FAM135B: variants seen among roughly 807,000 people sequenced by gnomAD.
FAM135B encodes protein FAM135B.
Under a neutral mutation model 127.7 loss-of-function variants are expected in FAM135B, and 43 were observed. The ratio of observed to expected loss-of-function variants is 0.34; its 90% CI spans 0.26 to 0.43. FAM135B has a LOEUF of 0.43. Ranked by LOEUF, FAM135B falls within the 20% of genes least tolerant of loss-of-function variation. The pLI, the probability that FAM135B is intolerant of heterozygous loss-of-function variation, is 1.00. For synonymous variants in FAM135B, 670 were observed against 665.1 expected, an observed-to-expected ratio of 1.01 and a Z score of -0.11; for missense variants, 1,558 against 1,725.6, an observed-to-expected ratio of 0.90 and a Z score of 1.72.
At chr8:138,491,737 T>G (rs1815208221) in intron 1 of FAM135B, among the ~76,000 whole-genome samples, 1 of 152,126 alleles carries the variant, frequency 6.6e-6, no homozygotes, top group Admixed American at 6.5e-5. Flanking sequence ...GAAAGAAACA[T>G]CAAAATAAGA....
intron 5 of FAM135B, among the ~76,000 whole-genome samples, chr8:138,252,838 C>T (rs540088779): frequency 6.6e-6 from 1 of 152,268 alleles, no homozygotes; most frequent in East Asian, 1.9e-4. Flanking sequence ...GTCACCCAGG[C>T]TGCCAGGCTG....
chr8:138,327,146 T>C (rs1289085950), intron 2 of FAM135B, among the ~76,000 whole-genome samples: 1 of 152,200 alleles, frequency 6.6e-6, no homozygotes, highest in East Asian at 1.9e-4. Flanking sequence ...TGTTACCTTA[T>C]TGTTCCTTTC....
intron 4 of FAM135B, among the ~76,000 whole-genome samples, chr8:138,264,701 G>C (rs1378372907): frequency 2.0e-5 from 3 of 152,082 alleles, no homozygotes; most frequent in Non-Finnish European, 4.4e-5. Context: ...ATAGGTTAAG[G>C]AATAAAGAAT....
chr8:138,256,580 TG>T, intron 5 of FAM135B, 108 bp downstream of exon 5: 1 of 879,478 alleles, frequency 1.1e-6, no homozygotes, highest in African/African-American at 1.7e-5. Context: ...CAGGAGATGC[TG>T]ATCTGAGAGA....
chr8:138,145,300 G>A (rs745826494), intron 15 of FAM135B, among the ~76,000 whole-genome samples: 1 of 152,088 alleles, frequency 6.6e-6, no homozygotes, highest in Non-Finnish European at 1.5e-5. Context: ...ATAGGTGCGA[G>A]CCACCGCGCC....
intron 7 of FAM135B, among the ~76,000 whole-genome samples, chr8:138,206,285 G>GCACAGCTCTATCATCCCCTCCACCTACC (rs1817575045): frequency 2.4e-4 from 3 of 12,540 alleles, no homozygotes; most frequent in Non-Finnish European, 3.5e-4. Flanking sequence ...CTCCACCTAC[G>GCACAGCTCTATCATCCCCTCCACCTACC]CACAGCTCTA....
intron 3 of FAM135B, among the ~76,000 whole-genome samples, chr8:138,276,430 G>A (rs949704636): frequency 3.3e-5 from 5 of 152,110 alleles, no homozygotes; most frequent in East Asian, 1.9e-4. Flanking sequence ...GCGGAGTTGC[G>A]ACTACAAAAA....
rs189387121 is a variant in FAM135B at position 138,228,883 on chromosome 8, A to T, written c.669+14059T>A. 5.4e-4 allele frequency among the ~76,000 whole-genome samples: 82 copies of T among 152,266 alleles called. 1 individual carries two copies. The highest frequency in any genetic ancestry group is 1.9e-3 in the African/African-American group (79 of 41,552). ...ATCTGTTCTTCCTGGGCCAGCTACA[A>T]TTTCAGACTGGGGACAGAGAAGCAG... On this transcript the variant is annotated intron_variant, in intron 7 of 19. Coordinates refer to ENST00000395297, the MANE Select transcript of FAM135B (RefSeq NM_015912.4).
chr8:138,143,526 T>C (rs1312138199), intron 15 of FAM135B, among the ~76,000 whole-genome samples: 1 of 152,188 alleles, frequency 6.6e-6, no homozygotes, highest in East Asian at 1.9e-4. Flanking sequence ...CTGCCCTTTC[T>C]GTGGCATAGC....
chr8:138,186,244 T>C (rs1032447162), intron 9 of FAM135B, among the ~76,000 whole-genome samples: 2 of 152,198 alleles, frequency 1.3e-5, no homozygotes, highest in African/African-American at 4.8e-5. Context: ...CTATTTCTCA[T>C]TGAGCTGCAA....
intron 2 of FAM135B, among the ~76,000 whole-genome samples, chr8:138,357,459 C>A (rs1351459222): frequency 6.6e-6 from 1 of 152,006 alleles, no homozygotes; most frequent in Non-Finnish European, 1.5e-5. Flanking sequence ...AAGGAAAATA[C>A]ATGTGAATAT....
At chr8:138,331,897 C>T (rs1322908867) in intron 2 of FAM135B, among the ~76,000 whole-genome samples, 1 of 152,084 alleles carries the variant, frequency 6.6e-6, no homozygotes, top group African/African-American at 2.4e-5. Context: ...GAATGGAGAG[C>T]CCCCAGGTGA....
intron 7 of FAM135B, among the ~76,000 whole-genome samples, chr8:138,238,076 G>GA (rs112283532): frequency 0.051 from 7,822 of 152,180 alleles, 663 homozygotes; most frequent in African/African-American, 0.17. Context: ...CTGAGACCCA[G>GA]AAGGGTAGGT....
chr8:138,361,156 G>A (rs1830395903), intron 2 of FAM135B, among the ~76,000 whole-genome samples: 1 of 152,036 alleles, frequency 6.6e-6, no homozygotes, highest in Non-Finnish European at 1.5e-5. Flanking sequence ...TCGAACTCCT[G>A]ACCTCAGGCA....
chr8:138,381,191 C>T (rs572267267), intron 1 of FAM135B, among the ~76,000 whole-genome samples: 1 of 152,250 alleles, frequency 6.6e-6, no homozygotes, highest in South Asian at 2.1e-4. Context: ...ATGCTTCCAA[C>T]TCTAGGCCCT....
chr8:138,446,392 T>C (rs1219246785), intron 1 of FAM135B, among the ~76,000 whole-genome samples: 1 of 151,942 alleles, frequency 6.6e-6, no homozygotes, highest in Non-Finnish European at 1.5e-5. Context: ...TCACGCTACC[T>C]GACTTCAAAC....
chr8:138,192,649 C>G (rs1176210612), intron 9 of FAM135B, among the ~76,000 whole-genome samples: 1 of 152,136 alleles, frequency 6.6e-6, no homozygotes, highest in Non-Finnish European at 1.5e-5. Flanking sequence ...CGCAAGAGGA[C>G]AGTTGGACTC....
At chr8:138,197,296 T>C (rs1028962455) in intron 8 of FAM135B, among the ~76,000 whole-genome samples, 1 of 152,160 alleles carries the variant, frequency 6.6e-6, no homozygotes, top group African/African-American at 2.4e-5. Flanking sequence ...GATGAATGCA[T>C]GAGTGAATGA....
chr8:138,201,977 TAGTC>T (rs1817161389), intron 7 of FAM135B, among the ~76,000 whole-genome samples: 1 of 151,824 alleles, frequency 6.6e-6, no homozygotes, highest in Non-Finnish European at 1.5e-5. Flanking sequence ...AATGCAAAAT[TAGTC>T]AGGCGTGGTG....
Sources: gnomAD v4.1 joint callset for allele counts (sites outside exome capture counted in the v4.1 genomes callset) on GRCh38, gnomAD v4.1.1 for gene constraint, MANE v1.5 for transcripts, NCBI Gene and HGNC (gene_info 2026-07-23, HGNC 2026-07-21) for gene names.